The following TIMP2 variants were observed in gnomAD, a reference collection of about 807,000 sequenced individuals.
TIMP2 encodes the protein metalloproteinase inhibitor 2.
A neutral mutation model predicts 24.3 loss-of-function variants in TIMP2; 5 were observed. The ratio of observed to expected loss-of-function variants is 0.21; its 90% confidence interval spans 0.11 to 0.43. The LOEUF is 0.43. Ranked by LOEUF, TIMP2 falls within the 20% of genes least tolerant of loss-of-function variation. The pLI, the probability that TIMP2 is intolerant of heterozygous loss-of-function variation, is 1.00. For synonymous variants in TIMP2, 130 were observed against 123.2 expected (o/e 1.06, Z -0.37); for missense variants, 221 against 297.5 (o/e 0.74, Z 1.89).
intron 1 of TIMP2, among the ~76,000 whole-genome samples, chr17:78,902,946 C>G (rs1376625983): frequency 6.6e-6 from 1 of 152,200 alleles, no homozygotes; most frequent in Non-Finnish European, 1.5e-5. Flanking sequence ...TGTGGGGAGC[C>G]CCGTGGTGCA....
intron 3 of TIMP2, among the ~76,000 whole-genome samples, chr17:78,858,154 A>C (rs1042626557): frequency 6.6e-6 from 1 of 151,720 alleles, no homozygotes; most frequent in African/African-American, 2.4e-5. Context: ...CAAAGAAAAA[A>C]CTTCCTGGCC....
At chr17:78,892,031 C>T (rs748352312) in intron 1 of TIMP2, 19 of 1,550,656 alleles carry the variant, frequency 1.2e-5, no homozygotes, top group South Asian at 5.9e-5. Flanking sequence ...GGCTGATCTT[C>T]GCTGGATGGG....
At chr17:78,909,933 A>G (rs1250580922) in intron 1 of TIMP2, among the ~76,000 whole-genome samples, 2 of 152,160 alleles carry the variant, frequency 1.3e-5, no homozygotes, top group Non-Finnish European at 2.9e-5. Context: ...GTGTCCGTCT[A>G]GTACTGGGAC....
At chr17:78,898,499 A>G (rs1320363026) in intron 1 of TIMP2, 1 of 152,398 alleles carries the variant, frequency 6.6e-6, no homozygotes, top group Non-Finnish European at 1.5e-5. Context: ...TGAGCTTCTG[A>G]AGGGTGGGAA....
chr17:78,887,111 A>C (rs1359624213), intron 1 of TIMP2, among the ~76,000 whole-genome samples: 1 of 152,162 alleles, frequency 6.6e-6, no homozygotes, highest in African/African-American at 2.4e-5. Flanking sequence ...AGCAAAAACA[A>C]AAGAGTCTTG....
rs932392092 is a variant in TIMP2, at chr17:78,896,734, C to T, written c.131-22815G>A. ...CGCGCTCGGAGCAGCAGAAGGAAGGCGAGTGGACACCAATCTGGCCTCCGG... is the reference window on the plus strand; with the variant it reads ...CGCGCTCGGAGCAGCAGAAGGAAGGTGAGTGGACACCAATCTGGCCTCCGG... On this transcript the variant is annotated intron_variant, in intron 1 of 4. Transcript: ENST00000262768. This position sits in a 1 kb window ranked among gnomAD's most constrained non-coding sequence, Gnocchi z 4.4. 3.3e-5 allele frequency among the ~76,000 whole-genome samples: 5 copies of T among 152,152 alleles called. 1 individual carries two copies. The South Asian group carries it at 8.3e-4, about 25-fold the overall frequency.
At chr17:78,869,739 T>C (rs1342527928) in intron 3 of TIMP2, among the ~76,000 whole-genome samples, 4 of 151,706 alleles carry the variant, frequency 2.6e-5, no homozygotes, top group Non-Finnish European at 4.4e-5. Flanking sequence ...CGCTTGAACC[T>C]GGGAAGCGGA....
intron 1 of TIMP2, among the ~76,000 whole-genome samples, chr17:78,902,983 C>T (rs7211674): frequency 1.3e-5 from 2 of 152,038 alleles, no homozygotes; most frequent in Admixed American, 1.3e-4. Context: ...CCTTGCGAAC[C>T]CACGGCTTGG....
In TIMP2 at chr17:78,919,476, G is replaced by A. The variant is rs372854186; in HGVS notation, c.130+5483C>T. 1.6e-4 allele frequency among the ~76,000 whole-genome samples: 24 copies of A among 152,228 alleles called. No homozygotes were observed. The Middle Eastern group carries it at 0.014, about 86-fold the overall frequency. Reference sequence around the variant, plus strand: ...ACCAGGGGTTACGGTCCCCAGTGCCGTCCTCCAGATGCGGCTTCTTCACCC... The same window carrying A: ...ACCAGGGGTTACGGTCCCCAGTGCCATCCTCCAGATGCGGCTTCTTCACCC... On this transcript the variant is annotated intron_variant, in intron 1 of 4. Transcript: ENST00000262768.
chr17:78,870,839 G>A (rs1019504804), intron 3 of TIMP2, 59 bp downstream of exon 3: 28 of 1,485,130 alleles, frequency 1.9e-5, no homozygotes, highest in Middle Eastern at 2.0e-4. Context: ...CCTGGACCGC[G>A]TCTAGGAACA....
chr17:78,909,472 A>C, intron 1 of TIMP2, among the ~76,000 whole-genome samples: 2 of 137,276 alleles, frequency 1.5e-5, no homozygotes, highest in African/African-American at 2.7e-5. Flanking sequence ...CCCACGAATG[A>C]CCCCCCCACC....
chr17:78,924,885 C>T lies in TIMP2; in HGVS notation c.130+74G>A. On this transcript the variant is annotated intron_variant, in intron 1 of 4. Transcript: ENST00000262768. This position sits in a 1 kb window ranked among gnomAD's most constrained non-coding sequence, Gnocchi z 5.3. ...GGTCCCTCGGCCAGCGGCGGGCGGG[C>T]GGGGCGTCTGCGAACCCTCGGGGTC... 1.2e-6 allele frequency: 1 copy of T among 855,724 alleles called. No individual in the cohort carries two copies. The highest frequency in any genetic ancestry group is 1.4e-6 in the Non-Finnish European group (1 of 707,188). The allele number at this position is 855,724 out of a possible 1,614,324, so 53.0% of individuals were successfully genotyped here.
rs1049127123 is a variant in TIMP2 at position 78,891,936 on chromosome 17, T to A, written c.131-18017A>T. ...GCTGTCTTCCGGGGCCTGGAGTGCCTGGGGTGTTGCTGGCCCAACTCTTCC... is the reference window on the plus strand; with the variant it reads ...GCTGTCTTCCGGGGCCTGGAGTGCCAGGGGTGTTGCTGGCCCAACTCTTCC... On this transcript the variant is annotated intron_variant, in intron 1 of 4. Coordinates refer to ENST00000262768, the MANE Select transcript of TIMP2 (RefSeq NM_003255.5). The surrounding 1 kb of genome is among the most constrained non-coding windows in gnomAD (Gnocchi z 4.5). 1 of 1,550,568 alleles carries A rather than the reference T, an allele frequency of 6.4e-7. No individual in the cohort carries two copies. Among genetic ancestry groups the A allele is most frequent in the East Asian group, 2.4e-5 (1 of 40,912 alleles).
At chr17:78,919,576 T>C (rs1243581818) in intron 1 of TIMP2, among the ~76,000 whole-genome samples, 2 of 152,306 alleles carry the variant, frequency 1.3e-5, no homozygotes, top group Middle Eastern at 3.4e-3. Flanking sequence ...GGCTCAAGCC[T>C]GTAATCTCAA....
chr17:78,897,820 T>G (rs1387929753), intron 1 of TIMP2: 1 of 152,206 alleles, frequency 6.6e-6, no homozygotes, highest in African/African-American at 2.4e-5. Context: ...CTAGAGTCAC[T>G]GCAACATGAT....
At chr17:78,859,489 G>A (rs993200409) in intron 3 of TIMP2, among the ~76,000 whole-genome samples, 5 of 151,936 alleles carry the variant, frequency 3.3e-5, no homozygotes, top group Admixed American at 1.3e-4. Context: ...GCGAAACCCC[G>A]TCTCTACTAA....
Position 78,920,492 on chromosome 17 carries a change from CCCTGCTCTT to C in TIMP2, c.130+4458_130+4466del, listed in dbSNP as rs966714640. On this transcript the variant is annotated intron_variant, in intron 1 of 4. Transcript: ENST00000262768. The surrounding 1 kb of genome is among the most constrained non-coding windows in gnomAD (Gnocchi z 4.5). ...ATACCTCCAGGCTGTGCACAGCTCT[CCCTGCTCTT>C]CCAGTCCCCCTGCCTTGGGAGCTGC... Among the ~76,000 whole-genome samples the C allele has an allele frequency of 2.0e-5, 3 of 152,152 alleles. No individual in the cohort carries two copies. The highest frequency in any genetic ancestry group is 7.2e-5 in the African/African-American group (3 of 41,426).
At chr17:78,856,821 C>T (rs2069527840) in intron 4 of TIMP2, 1 of 152,296 alleles carries the variant, frequency 6.6e-6, no homozygotes, top group African/African-American at 2.4e-5. Context: ...CAGCGTAAGG[C>T]CTGCAGTGCC....
chr17:78,854,701 C>T lies in TIMP2; in HGVS notation c.*966G>A, dbSNP rs1567989384. 6.6e-6 allele frequency: 1 copy of T among 152,188 alleles called. No individual in the cohort carries two copies. Among genetic ancestry groups the T allele is most frequent in the Non-Finnish European group, 1.5e-5 (1 of 68,110 alleles). 9.4% of individuals were successfully genotyped at this position (152,188 alleles called of 1,614,324 possible). Reference sequence around the variant, plus strand: ...CACAGCAAGACCCAGCTTTTTCTGTCCTCAGGATGTGCAGATGGGGAGCCC... The same window carrying T: ...CACAGCAAGACCCAGCTTTTTCTGTTCTCAGGATGTGCAGATGGGGAGCCC... On this transcript the variant is annotated 3_prime_UTR_variant, in exon 5 of 5. Coordinates refer to ENST00000262768, the MANE Select transcript of TIMP2 (RefSeq NM_003255.5).
Sources: allele counts gnomAD v4.1 joint callset (sites outside exome capture counted in the v4.1 genomes callset), GRCh38; gene constraint gnomAD v4.1.1; non-coding constraint Gnocchi (gnomAD v3.1); transcripts MANE v1.5; gene names NCBI Gene and HGNC (gene_info 2026-07-23, HGNC 2026-07-21).